The following MYOM1 variants were observed in gnomAD, a reference collection of about 807,000 sequenced individuals.
The protein encoded by MYOM1 is myomesin-1.
MYOM1 carries 164 observed loss-of-function variants against 205.3 expected under a neutral mutation model. The ratio of observed to expected loss-of-function variants is 0.80; its 90% confidence interval spans 0.70 to 0.91. The LOEUF is 0.91. Among genes scored for constraint, MYOM1 ranks in the 40% least tolerant of loss-of-function variants. The pLI is 0.00. For missense variants in MYOM1, 2,011 were observed against 2,127.3 expected (o/e 0.95, Z 1.08); for synonymous variants, 772 against 789.4 (o/e 0.98, Z 0.37).
At position 3,135,064 on chromosome 18, in the gene MYOM1, T is replaced by G; in HGVS notation, c.2210-240A>C. ...CCTGGGTTCAGGCAATTTTCCCACC[T>G]CAGCCTCCTGAGTAGCTGGAATTAC... is the stretch of plus-strand genomic sequence containing the variant. On this transcript the variant is annotated intron_variant, in intron 15 of 37. Coordinates refer to ENST00000356443, the MANE Select transcript of MYOM1 (RefSeq NM_003803.4). This position sits in a 1 kb window ranked among gnomAD's most constrained non-coding sequence, Gnocchi z 4.1. 1 of 443,666 alleles carries G rather than the reference T, an allele frequency of 2.3e-6. No homozygotes were observed. The highest frequency in any genetic ancestry group is 4.1e-6 in the Non-Finnish European group (1 of 242,836). 27.5% of individuals were successfully genotyped at this position (443,666 alleles called of 1,614,324 possible).
At chr18:3,099,229 G>C (rs1002132780) in intron 25 of MYOM1, among the ~76,000 whole-genome samples, 1 of 152,190 alleles carries the variant, frequency 6.6e-6, no homozygotes, top group African/African-American at 2.4e-5. Context: ...ATTCATTCTA[G>C]AGCAGTGGTG....
At chr18:3,090,460 T>A (rs1400154604) in intron 27 of MYOM1, among the ~76,000 whole-genome samples, 198 bp downstream of exon 27, 1 of 152,096 alleles carries the variant, frequency 6.6e-6, no homozygotes, top group South Asian at 2.1e-4. Context: ...CCTTAGGTGA[T>A]CCACCCGCCT....
chr18:3,111,694 T>G (rs531282567), intron 22 of MYOM1, among the ~76,000 whole-genome samples: 5 of 152,350 alleles, frequency 3.3e-5, no homozygotes, highest in Non-Finnish European at 7.3e-5. Flanking sequence ...ATACATATAA[T>G]GTGCATGATA....
chr18:3,155,012 G>A lies in MYOM1; in HGVS notation c.1578C>T (p.Ile526=), dbSNP rs1385648737. ...VKCLEANKDY[I]IISWKQPAVD... is the part of the protein sequence containing the mutation. ...CAGCTGGCTGTTTCCAGGAGATGATGATATAATCTTTGTTGGCCTCCAAGC... is the reference window on the plus strand; with the variant it reads ...CAGCTGGCTGTTTCCAGGAGATGATAATATAATCTTTGTTGGCCTCCAAGC... Residue 526 remains isoleucine, a synonymous_variant, in exon 11 of 38, where the codon ATC becomes ATT. Transcript: ENST00000356443. The A allele has an allele frequency of 6.2e-7, 1 of 1,613,248 alleles. No individual in the cohort carries two copies. Among genetic ancestry groups the A allele is most frequent in the Non-Finnish European group, 8.5e-7 (1 of 1,179,598 alleles).
chr18:3,162,413 C>T (rs2080404534), intron 10 of MYOM1, among the ~76,000 whole-genome samples: 1 of 152,118 alleles, frequency 6.6e-6, no homozygotes, highest in Non-Finnish European at 1.5e-5. Flanking sequence ...GTTTACTTGC[C>T]CTGCTTTCCC....
chr18:3,123,729 T>C (rs2079733773), intron 19 of MYOM1, among the ~76,000 whole-genome samples: 1 of 151,576 alleles, frequency 6.6e-6, no homozygotes. Flanking sequence ...TTATATCAAG[T>C]GCAAAGGGCT....
chr18:3,067,610 C>T (rs2078912323), intron 37 of MYOM1, 55 bp from the exon 38 acceptor site: 2 of 1,559,614 alleles, frequency 1.3e-6, no homozygotes, highest in African/African-American at 1.4e-5. Flanking sequence ...AATAGACACA[C>T]TGTCAACAAT....
At chr18:3,119,811 T>C in intron 20 of MYOM1, 58 bp downstream of exon 20, 1 of 1,554,964 alleles carries the variant, frequency 6.4e-7, no homozygotes, top group Non-Finnish European at 8.7e-7. Flanking sequence ...TTCCAGGTTG[T>C]AGGTTCTCTT....
chr18:3,129,141 A>G, intron 18 of MYOM1, 91 bp downstream of exon 18: 1 of 1,443,588 alleles, frequency 6.9e-7, no homozygotes, highest in East Asian at 2.4e-5. Flanking sequence ...CATTGATGAA[A>G]GCAAACATGG....
intron 2 of MYOM1, among the ~76,000 whole-genome samples, chr18:3,213,999 C>T (rs1457797553): frequency 6.6e-6 from 1 of 152,152 alleles, no homozygotes. Context: ...AGTGTTTAGT[C>T]TCCTTCATTG....
At chr18:3,105,770 G>A (rs111321017) in intron 22 of MYOM1, among the ~76,000 whole-genome samples, 2,269 of 152,256 alleles carry the variant, frequency 0.015, 40 homozygotes, top group Non-Finnish European at 0.019. Context: ...CACAAGAATC[G>A]CTTGGACCTG....
chr18:3,110,585 G>A (rs2079511401), intron 22 of MYOM1, among the ~76,000 whole-genome samples: 1 of 152,144 alleles, frequency 6.6e-6, no homozygotes, highest in Non-Finnish European at 1.5e-5. Flanking sequence ...CTCAGCACAT[G>A]TACAGAAAAG....
chr18:3,209,516 C>A lies in MYOM1; in HGVS notation c.290+5418G>T, dbSNP rs1247134263. The stretch of plus-strand genomic sequence containing the variant: ...CCTTCTTTAACTCAGAATATCAACT[C>A]CCTTCAATGGCCCACAGGCCCTCCA... On this transcript the variant is annotated intron_variant, in intron 2 of 37. Coordinates refer to ENST00000356443, the MANE Select transcript of MYOM1 (RefSeq NM_003803.4). The surrounding 1 kb of genome is among the most constrained non-coding windows in gnomAD (Gnocchi z 4.0). Among the ~76,000 whole-genome samples, 1 of 152,202 alleles carries A rather than the reference C, an allele frequency of 6.6e-6. No homozygotes were observed. Among genetic ancestry groups the A allele is most frequent in the Non-Finnish European group, 1.5e-5 (1 of 68,036 alleles).
intron 13 of MYOM1, 68 bp from the exon 14 acceptor site, chr18:3,142,131 G>A: frequency 6.4e-7 from 1 of 1,556,296 alleles, no homozygotes; most frequent in Non-Finnish European, 8.7e-7. Context: ...GAGAGCCAAA[G>A]ACGCTGCTCT....
chr18:3,108,987 CTT>C (rs998902788), intron 22 of MYOM1, among the ~76,000 whole-genome samples: 1 of 140,812 alleles, frequency 7.1e-6, no homozygotes, highest in Admixed American at 7.1e-5. Context: ...TTTCTTTTTC[CTT>C]TTTTTTTTTG....
intron 2 of MYOM1, among the ~76,000 whole-genome samples, chr18:3,201,476 G>C (rs2081066643): frequency 1.3e-5 from 2 of 151,672 alleles, no homozygotes; most frequent in South Asian, 4.2e-4. Flanking sequence ...AGAACAACCA[G>C]ACAGTAAATA....
At chr18:3,176,958 C>A (rs1327986231) in intron 5 of MYOM1, among the ~76,000 whole-genome samples, 1 of 151,754 alleles carries the variant, frequency 6.6e-6, no homozygotes, top group Non-Finnish European at 1.5e-5. Context: ...AGGTTTTAGG[C>A]CAGGCATGGT....
chr18:3,164,786 C>T (rs903251555), intron 9 of MYOM1, among the ~76,000 whole-genome samples: 4 of 152,136 alleles, frequency 2.6e-5, no homozygotes, highest in Non-Finnish European at 5.9e-5. Context: ...AGGGGTAATA[C>T]AAGTTGCAAA....
chr18:3,107,044 G>T (rs2079459955), intron 22 of MYOM1, among the ~76,000 whole-genome samples: 1 of 151,954 alleles, frequency 6.6e-6, no homozygotes. Flanking sequence ...TGCTACTGGT[G>T]GATTTATTAA....
Sources: gnomAD v4.1 joint callset for allele counts (sites outside exome capture counted in the v4.1 genomes callset) on GRCh38, gnomAD v4.1.1 for gene constraint, Gnocchi (gnomAD v3.1) non-coding constraint, MANE v1.5 for transcripts, NCBI Gene and HGNC (gene_info 2026-07-23, HGNC 2026-07-21) for gene names.